NEO1: variants seen among roughly 807,000 people sequenced by gnomAD.
NEO1 encodes the protein neogenin 1.
NEO1 carries 63 observed loss-of-function variants against 159.7 expected under a neutral mutation model. The ratio of observed to expected loss-of-function variants is 0.39; its 90% CI spans 0.32 to 0.49. NEO1 has a LOEUF of 0.49. Among genes scored for constraint, NEO1 ranks in the 20% least tolerant of loss-of-function variants. The pLI is 0.85. For missense variants in NEO1, 1,615 were observed against 1,831.0 expected, an observed-to-expected ratio of 0.88 and a Z score of 2.15; for synonymous variants, 633 against 662.0, an observed-to-expected ratio of 0.96 and a Z score of 0.67.
intron 1 of NEO1, among the ~76,000 whole-genome samples, chr15:73,097,256 C>G (rs894368942): frequency 6.6e-6 from 1 of 151,594 alleles, no homozygotes; most frequent in Admixed American, 6.6e-5. Flanking sequence ...TGTTGGGGAG[C>G]TTGTGTTGAG....
chr15:73,075,423 C>A lies in NEO1; in HGVS notation c.130+22618C>A, dbSNP rs189120272. Among the ~76,000 whole-genome samples, 324 of 152,146 alleles carry A rather than the reference C, an allele frequency of 2.1e-3. 2 individuals carry two copies. Among genetic ancestry groups the A allele is most frequent in the Non-Finnish European group, 5.0e-4 (34 of 68,004 alleles). On this transcript the variant is annotated intron_variant, in intron 1 of 28. Coordinates refer to ENST00000261908, the MANE Select transcript of NEO1 (RefSeq NM_002499.4). ...TATTAAGAATCAGTGTGTCTCAAAG[C>A]AGTATATGATTAAATGCCAGATGAG...
chr15:73,199,842 A>G (rs1596324321), intron 7 of NEO1, among the ~76,000 whole-genome samples: 1 of 152,064 alleles, frequency 6.6e-6, no homozygotes, highest in African/African-American at 2.4e-5. Context: ...TCCACCCTAT[A>G]TTGGGGAGGA....
intron 2 of NEO1, among the ~76,000 whole-genome samples, chr15:73,122,063 G>GTATATATA (rs200219694): frequency 1.3e-3 from 159 of 126,328 alleles, no homozygotes; most frequent in Non-Finnish European, 1.9e-3. Flanking sequence ...GTGTGTGTGT[G>GTATATATA]TATATATATA....
chr15:73,227,501 A>G (rs1415852124), intron 7 of NEO1, among the ~76,000 whole-genome samples: 1 of 152,082 alleles, frequency 6.6e-6, no homozygotes, highest in Non-Finnish European at 1.5e-5. Context: ...AAAACAAACA[A>G]ACAAAAAAGC....
At chr15:73,286,069 A>ACCCCCT (rs1330387055) in intron 23 of NEO1, among the ~76,000 whole-genome samples, 3 of 119,636 alleles carry the variant, frequency 2.5e-5, no homozygotes, top group African/African-American at 3.1e-5. Flanking sequence ...TTATAACCTC[A>ACCCCCT]CCCCCACCCC....
intron 1 of NEO1, among the ~76,000 whole-genome samples, chr15:73,115,601 T>C (rs1203477240): frequency 6.6e-6 from 1 of 152,032 alleles, no homozygotes; most frequent in Non-Finnish European, 1.5e-5. Flanking sequence ...TTAGTTTCAT[T>C]TGCTGGATTG....
chr15:73,174,697 C>T (rs892095986), intron 5 of NEO1, among the ~76,000 whole-genome samples: 17 of 152,042 alleles, frequency 1.1e-4, no homozygotes, highest in Non-Finnish European at 2.2e-4. Context: ...AGCTGAGAGC[C>T]TTGAAATAAT....
At chr15:73,153,792 A>G (rs1288426201) in intron 5 of NEO1, among the ~76,000 whole-genome samples, 1 of 152,140 alleles carries the variant, frequency 6.6e-6, no homozygotes, top group African/African-American at 2.4e-5. Flanking sequence ...GTAAAACCCT[A>G]TGTAGAGGTA....
At chr15:73,293,745 C>T (rs1199092398) in intron 26 of NEO1, among the ~76,000 whole-genome samples, 197 bp downstream of exon 26, 1 of 152,206 alleles carries the variant, frequency 6.6e-6, no homozygotes, top group Non-Finnish European at 1.5e-5. Flanking sequence ...TTTAAACATT[C>T]AGTGCAAGGT....
intron 7 of NEO1, among the ~76,000 whole-genome samples, chr15:73,236,048 G>A (rs1367796916): frequency 6.6e-6 from 1 of 152,026 alleles, no homozygotes; most frequent in Admixed American, 6.6e-5. Flanking sequence ...CCATTATAGT[G>A]GCCAGAAAGT....
chr15:73,254,802 G>A lies in NEO1; in HGVS notation c.2065G>A (p.Gly689Arg), dbSNP rs999871472. 16 of 1,613,780 alleles carry A rather than the reference G, an allele frequency of 9.9e-6. No homozygotes were observed. The highest frequency in any genetic ancestry group is 3.3e-5 in the Admixed American group (2 of 59,926). The change falls in exon 13 of 29, where the codon GGG becomes AGG. Residue 689 changes from glycine (G) to arginine (R), a missense_variant. Transcript: ENST00000261908. ...KSDVTETLVS[G>R]TQLSQLIEGL... is the part of the protein sequence containing the mutation. ...TGATGTCACTGAGACCTTGGTAAGC[G>A]GGACACAGCTGTCTCAGCTGATTGA... is the stretch of plus-strand genomic sequence containing the variant.
intron 7 of NEO1, among the ~76,000 whole-genome samples, chr15:73,202,417 A>T (rs554560469): frequency 2.2e-4 from 34 of 152,178 alleles, no homozygotes; most frequent in Non-Finnish European, 4.4e-4. Flanking sequence ...TGTAACAAAG[A>T]GCTGTTTTGA....
intron 5 of NEO1, among the ~76,000 whole-genome samples, chr15:73,161,420 G>A (rs1412124642): frequency 6.6e-6 from 1 of 152,060 alleles, no homozygotes; most frequent in African/African-American, 2.4e-5. Flanking sequence ...TGCATCTATA[G>A]TTGTGCCTCC....
intron 5 of NEO1, among the ~76,000 whole-genome samples, chr15:73,152,919 GAGAA>G (rs2033491545): frequency 6.6e-6 from 1 of 152,124 alleles, no homozygotes; most frequent in Non-Finnish European, 1.5e-5. Flanking sequence ...TGTATGTTTA[GAGAA>G]AGAGAGAAGA....
intron 23 of NEO1, among the ~76,000 whole-genome samples, chr15:73,283,979 C>T (rs893812458): frequency 2.6e-5 from 4 of 152,106 alleles, no homozygotes; most frequent in Non-Finnish European, 5.9e-5. Context: ...TTTCTCAGAG[C>T]GGCTGAATGG....
intron 1 of NEO1, among the ~76,000 whole-genome samples, chr15:73,080,071 A>G (rs971036738): frequency 3.9e-5 from 6 of 152,190 alleles, no homozygotes; most frequent in Admixed American, 1.3e-4. Context: ...CAGTAGGGAA[A>G]ACTGTTCCTG....
intron 7 of NEO1, among the ~76,000 whole-genome samples, chr15:73,231,865 A>G (rs1243032313): frequency 6.6e-6 from 1 of 152,212 alleles, no homozygotes; most frequent in Non-Finnish European, 1.5e-5. Context: ...CACTTGTACC[A>G]TCTGCCAGCA....
intron 1 of NEO1, among the ~76,000 whole-genome samples, chr15:73,077,517 CTT>C (rs1434984040): frequency 3.9e-5 from 6 of 152,206 alleles, no homozygotes; most frequent in African/African-American, 7.2e-5. Flanking sequence ...AGCTCAGTGA[CTT>C]TCTCTGATTT....
rs139484932 is a variant in NEO1, at chr15:73,163,902, T to G, written c.1016-12501T>G. The stretch of plus-strand genomic sequence containing the variant: ...GGAATTTCTCCAGGTGAGAGAGATT[T>G]TCTTGAATATTCTGAGTAGACAGTC... On this transcript the variant is annotated intron_variant, in intron 5 of 28. Transcript: ENST00000261908. Among the ~76,000 whole-genome samples the G allele has an allele frequency of 8.9e-4, 136 of 152,314 alleles. 1 individual carries two copies. Among genetic ancestry groups the G allele is most frequent in the African/African-American group, 3.2e-3 (132 of 41,574 alleles).
Sources: gnomAD v4.1 joint callset for allele counts (sites outside exome capture counted in the v4.1 genomes callset) on GRCh38, gnomAD v4.1.1 for gene constraint, MANE v1.5 for transcripts, NCBI Gene and HGNC (gene_info 2026-07-23, HGNC 2026-07-21) for gene names.